CLEC4F: variants seen among roughly 807,000 people sequenced by gnomAD.
The protein encoded by CLEC4F is C-type lectin domain family 4 member F, also known as C-type (calcium dependent, carbohydrate-recognition domain) lectin, superfamily member 13.
Under a neutral mutation model 53.4 loss-of-function variants are expected in CLEC4F, and 45 were observed. The ratio of observed to expected loss-of-function variants is 0.84; its 90% CI spans 0.66 to 1.08. CLEC4F has a LOEUF of 1.08. Among genes scored for constraint, CLEC4F ranks in the 50% least tolerant of loss-of-function variants. The pLI, the probability that CLEC4F is intolerant of heterozygous loss-of-function variation, is 0.00. For missense variants in CLEC4F, 753 were observed against 698.2 expected (o/e 1.08, Z -0.88); for synonymous variants, 245 against 257.5 (o/e 0.95, Z 0.46).
chr2:70,819,563 G>T, intron 2 of CLEC4F, 119 bp from the exon 3 acceptor site: 1 of 1,015,818 alleles, frequency 9.8e-7, no homozygotes, highest in Non-Finnish European at 1.5e-6. Context: ...ACCCTCCCAG[G>T]GTTTCCCTCA....
chr2:70,820,510 GC>G lies in CLEC4F; in HGVS notation c.13del (p.Ala5GlnfsTer43). 6.3e-7 allele frequency: 1 copy of G among 1,589,302 alleles called. No individual in the cohort carries two copies. Among genetic ancestry groups the G allele is most frequent in the African/African-American group, 1.3e-5 (1 of 74,664 alleles). MDGE[A>X]VRFCTDNQCV... is the part of the protein sequence containing the mutation. ...CTGGTTATCTGTGCAGAAGCGGACT[GC>G]CTCACCGTCCATCTCTGCTTCCTTG... On this transcript the variant is annotated frameshift_variant, in exon 1 of 7. Coordinates refer to ENST00000272367, the MANE Select transcript of CLEC4F (RefSeq NM_173535.3). LOFTEE classifies it high-confidence loss of function.
intron 5 of CLEC4F, chr2:70,811,045 C>G (rs1676529194): frequency 7.7e-6 from 5 of 647,676 alleles, no homozygotes; most frequent in Non-Finnish European, 1.5e-5. Flanking sequence ...GCTAACCCTG[C>G]TGGGAAAATA....
Position 70,816,791 on chromosome 2 carries a change from G to T in CLEC4F, c.590C>A (p.Thr197Lys), listed in dbSNP as rs149379407. The T allele has an allele frequency of 8.7e-6, 14 of 1,613,942 alleles. No homozygotes were observed. Among genetic ancestry groups the T allele is most frequent in the African/African-American group, 4.0e-5 (3 of 74,878 alleles). Residue 197 changes from threonine (T) to lysine (K), a missense_variant, in exon 4 of 7, where the codon ACG becomes AAG. By Grantham distance (78) the Thr-to-Lys change is moderately conservative. Transcript: ENST00000272367. ...LEKADALTFQ[T>K]LNFLKSSLEN... Reference sequence around the variant, plus strand: ...TAAACTGCTTTTTAAGAAATTCAGCGTCTGGAAAGTTAAAGCATCTGCCTT... The same window carrying T: ...TAAACTGCTTTTTAAGAAATTCAGCTTCTGGAAAGTTAAAGCATCTGCCTT...
intron 5 of CLEC4F, among the ~76,000 whole-genome samples, chr2:70,811,844 G>A (rs1574367101): frequency 6.6e-6 from 1 of 152,094 alleles, no homozygotes; most frequent in African/African-American, 2.4e-5. Context: ...GGCCCACTTC[G>A]GTGAATAACT....
chr2:70,814,090 C>T (rs950460285), intron 4 of CLEC4F, among the ~76,000 whole-genome samples: 5 of 152,158 alleles, frequency 3.3e-5, no homozygotes, highest in East Asian at 3.9e-4. Flanking sequence ...CAGGAACAGC[C>T]GGGCACAGCC....
Position 70,808,826 on chromosome 2 carries a change from A to G in CLEC4F, c.*445T>C, listed in dbSNP as rs1553393283. On this transcript the variant is annotated 3_prime_UTR_variant, in exon 7 of 7. Transcript: ENST00000272367. Reference sequence around the variant, plus strand: ...ACAAGGCAGGAAGTCCACAAGGCCAACGGAAGGTCCCAGAGAACAAGCAGA... The same window carrying G: ...ACAAGGCAGGAAGTCCACAAGGCCAGCGGAAGGTCCCAGAGAACAAGCAGA... 7.7e-6 allele frequency: 4 copies of G among 519,140 alleles called. No individual in the cohort carries two copies. Among genetic ancestry groups the G allele is most frequent in the Non-Finnish European group, 1.0e-5 (3 of 286,638 alleles). 32.2% of individuals were successfully genotyped at this position (519,140 alleles called of 1,614,324 possible).
Position 70,813,219 on chromosome 2 carries a change from C to T in CLEC4F, c.1388-621G>A, listed in dbSNP as rs58640978. Among the ~76,000 whole-genome samples the T allele has an allele frequency of 3.2e-3, 494 of 152,332 alleles. 3 individuals carry two copies. The highest frequency in any genetic ancestry group is 0.011 in the African/African-American group (475 of 41,578). On this transcript the variant is annotated intron_variant, in intron 4 of 6. Coordinates refer to ENST00000272367, the MANE Select transcript of CLEC4F (RefSeq NM_173535.3). Reference sequence around the variant, plus strand: ...TTAATCACCAAATTGTTCTTTTGTTCAACGTGCATTGTGCAACGTTCCTTA... The same window carrying T: ...TTAATCACCAAATTGTTCTTTTGTTTAACGTGCATTGTGCAACGTTCCTTA...
At chr2:70,824,621 CCAAAAAAAAAA>C (rs1323444731), upstream of CLEC4F, among the ~76,000 whole-genome samples, 6 of 38,270 alleles carry the variant, frequency 1.6e-4, no homozygotes, top group African/African-American at 5.8e-4. Context: ...TGCTTAGTTA[CCAAAAAAAAAA>C]AAAAAAAAAA....
chr2:70,808,884 G>C lies in CLEC4F; in HGVS notation c.*387C>G. 1.7e-6 allele frequency: 1 copy of C among 600,410 alleles called. No individual in the cohort carries two copies. Among genetic ancestry groups the C allele is most frequent in the Non-Finnish European group, 3.0e-6 (1 of 338,722 alleles). 37.2% of individuals were successfully genotyped at this position (600,410 alleles called of 1,614,324 possible). On this transcript the variant is annotated 3_prime_UTR_variant, in exon 7 of 7. Transcript: ENST00000272367. ...GGCTCCGAAGGCATCGAGGAGGAGG[G>C]TCAGTATTGGCAAGCAGGAGCAGCC...
chr2:70,812,388 C>T, intron 5 of CLEC4F, 59 bp downstream of exon 5: 1 of 1,593,692 alleles, frequency 6.3e-7, no homozygotes, highest in Non-Finnish European at 8.5e-7. Context: ...GGCCAAAACA[C>T]CAAAGTCCCT....
intron 5 of CLEC4F, 102 bp downstream of exon 5, chr2:70,812,345 G>A (rs1036973675): frequency 7.1e-4 from 890 of 1,259,218 alleles, no homozygotes; most frequent in Non-Finnish European, 6.7e-4. Context: ...GAGGAGACAT[G>A]GAGGTCTCCG....
rs782143511 is a variant in CLEC4F, at chr2:70,817,030, C to G, written c.351G>C (p.Trp117Cys). 6.2e-7 allele frequency: 1 copy of G among 1,614,156 alleles called. No individual in the cohort carries two copies. The highest frequency in any genetic ancestry group is 1.1e-5 in the South Asian group (1 of 91,088). The change falls in exon 4 of 7, where the codon TGG becomes TGC. Residue 117 changes from tryptophan (W) to cysteine (C), a missense_variant. Transcript: ENST00000272367. ...ACTTCAACATCTGGATTTCTACTAC[C>G]CAGGCACTGGAATTCTCCATGTGGC... ...FKGHMENSSA[W>C]VVEIQMLKCR...
intron 5 of CLEC4F, 58 bp from the exon 6 acceptor site, chr2:70,809,915 C>T: frequency 1.8e-6 from 2 of 1,115,056 alleles, no homozygotes; most frequent in Non-Finnish European, 2.8e-6. Context: ...GTTTTCCAGG[C>T]CACCTGGAGA....
At chr2:70,813,610 T>TCTTTCTTTCTTC (rs1282804297) in intron 4 of CLEC4F, among the ~76,000 whole-genome samples, 10 of 140,246 alleles carry the variant, frequency 7.1e-5, no homozygotes, top group African/African-American at 2.9e-4. Flanking sequence ...TTTCTTTCTT[T>TCTTTCTTTCTTC]CTTTCTTTCT....
intron 3 of CLEC4F, 123 bp from the exon 4 acceptor site, chr2:70,817,235 C>G: frequency 1.5e-5 from 15 of 987,136 alleles, no homozygotes; most frequent in Non-Finnish European, 2.2e-5. Flanking sequence ...CCTCAGTGCT[C>G]CCCCAAGCAC....
At chr2:70,824,554 G>C (rs571771144), upstream of CLEC4F, among the ~76,000 whole-genome samples, 196 of 140,132 alleles carry the variant, frequency 1.4e-3, no homozygotes, top group African/African-American at 5.0e-3. Context: ...CTAGAACTGG[G>C]GCAGGAAATA....
Position 70,808,861 on chromosome 2 carries a change from C to T in CLEC4F, c.*410G>A. 1 of 573,024 alleles carries T rather than the reference C, an allele frequency of 1.7e-6. No individual in the cohort carries two copies. The highest frequency in any genetic ancestry group is 2.0e-5 in the South Asian group (1 of 49,230). The allele number at this position is 573,024 out of a possible 1,614,324, so 35.5% of individuals were successfully genotyped here. ...CCAGAGAACAAGCAGAGCTCAGAGG[C>T]TCCGAAGGCATCGAGGAGGAGGGTC... On this transcript the variant is annotated 3_prime_UTR_variant, in exon 7 of 7. Coordinates refer to ENST00000272367, the MANE Select transcript of CLEC4F (RefSeq NM_173535.3).
intron 3 of CLEC4F, among the ~76,000 whole-genome samples, chr2:70,817,371 C>A (rs1335662545): frequency 1.3e-5 from 2 of 152,180 alleles, no homozygotes; most frequent in Non-Finnish European, 2.9e-5. Context: ...TGCTTGCCTG[C>A]TGTAAGCCAG....
In CLEC4F at chr2:70,809,855, T is replaced by G. The variant is rs782318976; in HGVS notation, c.1542A>C (p.Ala514=). The change falls in exon 6 of 7, where the codon GCA becomes GCC. Residue 514 remains alanine, a splice_region_variant and synonymous_variant. Transcript: ENST00000272367. The stretch of plus-strand genomic sequence containing the variant: ...CTTTACTTGTGAACTCTACCAGAAA[T>G]GCCTGCAGAGAAAAGGCAGTGTCAG... ...LASVASKEEQ[A]FLVEFTSKVY... is the part of the protein sequence containing the mutation. 6.2e-6 allele frequency: 10 copies of G among 1,609,808 alleles called. No homozygotes were observed. The highest frequency in any genetic ancestry group is 7.7e-6 in the Non-Finnish European group (9 of 1,176,104).
Sources: gnomAD v4.1 joint callset for allele counts (sites outside exome capture counted in the v4.1 genomes callset) on GRCh38, gnomAD v4.1.1 for gene constraint, MANE v1.5 for transcripts, NCBI Gene and HGNC (gene_info 2026-07-23, HGNC 2026-07-21) for gene names.